The following UBE3C variants were observed in gnomAD, a reference collection of about 807,000 sequenced individuals.
UBE3C encodes the protein ubiquitin protein ligase E3C, also known as ubiquitin-protein ligase E3C.
A neutral mutation model predicts 129.4 loss-of-function variants in UBE3C; 42 were observed. That is an observed-to-expected ratio of 0.32 (90% confidence interval 0.25 to 0.42). The LOEUF (loss-of-function observed/expected upper bound fraction) is 0.42, where lower values mean the gene tolerates loss of function less well. Among genes scored for constraint, UBE3C ranks in the 10% least tolerant of loss-of-function variants. The pLI, the probability that UBE3C is intolerant of heterozygous loss-of-function variation, is 1.00. For missense variants in UBE3C, 1,049 were observed against 1,319.1 expected, an observed-to-expected ratio of 0.80 and a Z score of 3.17; for synonymous variants, 510 against 492.4, an observed-to-expected ratio of 1.04 and a Z score of -0.47.
At chr7:157,254,599 T>C (rs1202821773) in intron 21 of UBE3C, among the ~76,000 whole-genome samples, 3 of 151,762 alleles carry the variant, frequency 2.0e-5, no homozygotes, top group Non-Finnish European at 4.4e-5. Flanking sequence ...GGTTTTGCCA[T>C]GTTGGCCAGG....
At chr7:157,220,641 T>A in intron 14 of UBE3C, 48 bp from the exon 15 acceptor site, 1 of 1,604,716 alleles carries the variant, frequency 6.2e-7, no homozygotes, top group Non-Finnish European at 8.5e-7. Context: ...CAGGTCAAAG[T>A]GTGTGCTAGA....
Position 157,196,666 on chromosome 7 carries a change from C to CT in UBE3C, c.1332-5053dup, listed in dbSNP as rs1173117689. On this transcript the variant is annotated intron_variant, in intron 10 of 22. Transcript: ENST00000348165. The stretch of plus-strand genomic sequence containing the variant: ...ATGCTGTTGCTGTTTATCATATCTT[C>CT]TTAAGAATTGCTGACCTTTAGGCCA... Among the ~76,000 whole-genome samples, 13 of 152,244 alleles carry CT rather than the reference C, an allele frequency of 8.5e-5. No homozygotes were observed. In the South Asian group the frequency reaches 2.3e-3, roughly 27 times the overall value.
At chr7:157,160,559 A>G (rs754985482) in intron 1 of UBE3C, among the ~76,000 whole-genome samples, 12 of 152,150 alleles carry the variant, frequency 7.9e-5, no homozygotes, top group Admixed American at 3.3e-4. Context: ...TATCATTTGT[A>G]TGGTACCAAG....
At chr7:157,252,656 A>G (rs1233675936) in intron 19 of UBE3C, among the ~76,000 whole-genome samples, 1 of 152,254 alleles carries the variant, frequency 6.6e-6, no homozygotes, top group East Asian at 1.9e-4. Context: ...CATTTGTGAA[A>G]CAATCTTTCT....
intron 13 of UBE3C, among the ~76,000 whole-genome samples, chr7:157,208,354 G>A (rs1809498298): frequency 6.6e-6 from 1 of 151,968 alleles, no homozygotes. Context: ...GGGATTATAG[G>A]CGTGAGCCAC....
At chr7:157,179,965 A>C (rs1441838575) in intron 6 of UBE3C, among the ~76,000 whole-genome samples, 1 of 152,222 alleles carries the variant, frequency 6.6e-6, no homozygotes, top group African/African-American at 2.4e-5. Flanking sequence ...AAAGTGGTTC[A>C]TTGTGTTAGT....
chr7:157,244,806 AAGAC>A (rs1279546960), intron 18 of UBE3C, among the ~76,000 whole-genome samples: 15 of 152,246 alleles, frequency 9.9e-5, no homozygotes, highest in Admixed American at 4.6e-4. Context: ...ACATTCATAA[AAGAC>A]AGACAGTTGA....
At chr7:157,213,847 T>C (rs1454731552) in intron 13 of UBE3C, among the ~76,000 whole-genome samples, 1 of 152,220 alleles carries the variant, frequency 6.6e-6, no homozygotes, top group Admixed American at 6.5e-5. Context: ...TAAAATTGAA[T>C]TACGGATAAA....
At chr7:157,242,522 T>G (rs1007000653) in intron 18 of UBE3C, among the ~76,000 whole-genome samples, 3 of 147,212 alleles carry the variant, frequency 2.0e-5, no homozygotes, top group Admixed American at 6.8e-5. Flanking sequence ...TTGTTTTTTT[T>G]TTTTTTTTTT....
At chr7:157,242,514 GTTTTT>G (rs33913991) in intron 18 of UBE3C, among the ~76,000 whole-genome samples, 1 of 112,126 alleles carries the variant, frequency 8.9e-6, no homozygotes, top group Admixed American at 8.8e-5. Context: ...AGCCTGAGTT[GTTTTT>G]TTTTTTTTTT....
At chr7:157,188,628 G>T (rs1168692055) in intron 10 of UBE3C, among the ~76,000 whole-genome samples, 1 of 152,208 alleles carries the variant, frequency 6.6e-6, no homozygotes. Flanking sequence ...TCCAAAAGGT[G>T]TTTAATGGGT....
At chr7:157,226,861 C>T (rs1795893914) in intron 17 of UBE3C, among the ~76,000 whole-genome samples, 2 of 152,050 alleles carry the variant, frequency 1.3e-5, no homozygotes, top group African/African-American at 4.8e-5. Flanking sequence ...GTTTGTCTTG[C>T]CTAGCAGATT....
chr7:157,195,650 A>T (rs1315581659), intron 10 of UBE3C, among the ~76,000 whole-genome samples: 1 of 152,228 alleles, frequency 6.6e-6, no homozygotes, highest in African/African-American at 2.4e-5. Context: ...GCAAGTGCAC[A>T]GATGGAGGAG....
chr7:157,235,330 T>A (rs1451968498), intron 18 of UBE3C, among the ~76,000 whole-genome samples: 1 of 152,244 alleles, frequency 6.6e-6, no homozygotes. Flanking sequence ...CCTGAAATAC[T>A]CTAAACTTGG....
At chr7:157,195,288 C>T (rs766988991) in intron 10 of UBE3C, among the ~76,000 whole-genome samples, 13 of 152,158 alleles carry the variant, frequency 8.5e-5, no homozygotes, top group Non-Finnish European at 1.6e-4. Flanking sequence ...ACAAGTTTCT[C>T]GACAATGTTA....
chr7:157,218,969 C>T (rs1226818817), intron 14 of UBE3C, among the ~76,000 whole-genome samples: 5 of 152,200 alleles, frequency 3.3e-5, no homozygotes. Context: ...AAGCATTTAA[C>T]CCACCTTTCA....
intron 1 of UBE3C, among the ~76,000 whole-genome samples, chr7:157,163,259 C>T (rs911547703): frequency 3.3e-5 from 5 of 151,764 alleles, no homozygotes; most frequent in African/African-American, 9.7e-5. Context: ...TGGTGGCGGG[C>T]GCCTGTAGTC....
chr7:157,143,941 A>G (rs1807530067), intron 1 of UBE3C, among the ~76,000 whole-genome samples: 1 of 152,102 alleles, frequency 6.6e-6, no homozygotes, highest in Non-Finnish European at 1.5e-5. Context: ...CACCTCCGGG[A>G]GTGGAGGAGA....
At chr7:157,157,934 C>T (rs760983265) in intron 1 of UBE3C, among the ~76,000 whole-genome samples, 2 of 150,112 alleles carry the variant, frequency 1.3e-5, no homozygotes, top group African/African-American at 2.5e-5. Context: ...GAGCCAAGAT[C>T]GTGCCACTGC....
Sources: gnomAD v4.1 joint callset for allele counts (sites outside exome capture counted in the v4.1 genomes callset) on GRCh38, gnomAD v4.1.1 for gene constraint, MANE v1.5 for transcripts, NCBI Gene and HGNC (gene_info 2026-07-23, HGNC 2026-07-21) for gene names.